RXFP1: variants seen among roughly 807,000 people sequenced by gnomAD.
RXFP1 encodes the protein relaxin receptor 1.
Under a neutral mutation model 89.8 loss-of-function variants are expected in RXFP1, and 73 were observed. The ratio of observed to expected loss-of-function variants is 0.81; its 90% CI spans 0.67 to 0.99. RXFP1 has a LOEUF of 0.99. RXFP1 is among the 50% of genes least tolerant of loss of function. RXFP1 has a pLI of 0.00. For synonymous variants in RXFP1, 277 were observed against 305.5 expected (o/e 0.91, Z 0.97); for missense variants, 793 against 895.5 (o/e 0.89, Z 1.46).
rs1289320463 is a variant in RXFP1, at chr4:158,612,369, A to G, written c.680+7A>G. 6.4e-7 allele frequency: 1 copy of G among 1,569,524 alleles called. No individual in the cohort carries two copies. Among genetic ancestry groups the G allele is most frequent in the African/African-American group, 1.4e-5 (1 of 73,540 alleles). ...TAAATTCTCTTATTCTCTTGTAAGTACTAAACTAAAGCAAATATTTCAATC... is the reference window on the plus strand; with the variant it reads ...TAAATTCTCTTATTCTCTTGTAAGTGCTAAACTAAAGCAAATATTTCAATC... On this transcript the variant is annotated splice_region_variant and intron_variant, in intron 8 of 17. Transcript: ENST00000307765.
intron 1 of RXFP1, among the ~76,000 whole-genome samples, chr4:158,545,293 G>T (rs1478821404): frequency 6.6e-6 from 1 of 152,038 alleles, no homozygotes; most frequent in Non-Finnish European, 1.5e-5. Flanking sequence ...TTTTGATGGG[G>T]TTGTTTGTTT....
At chr4:158,589,537 T>G (rs1457855811) in intron 2 of RXFP1, among the ~76,000 whole-genome samples, 1 of 152,194 alleles carries the variant, frequency 6.6e-6, no homozygotes, top group Admixed American at 6.5e-5. Context: ...TGAAAGGGCC[T>G]GAGGAGAGTT....
intron 6 of RXFP1, among the ~76,000 whole-genome samples, chr4:158,608,422 A>T (rs1419063610): frequency 6.8e-6 from 1 of 148,116 alleles, no homozygotes; most frequent in Non-Finnish European, 1.5e-5. Context: ...GAATAGCTCC[A>T]GCATCCAGCA....
intron 1 of RXFP1, among the ~76,000 whole-genome samples, chr4:158,556,144 C>G (rs1751235347): frequency 6.6e-6 from 1 of 150,890 alleles, no homozygotes; most frequent in African/African-American, 2.4e-5. Context: ...GAAAAGACAA[C>G]CTACAGAAAG....
At chr4:158,551,590 A>G (rs1047439413) in intron 1 of RXFP1, among the ~76,000 whole-genome samples, 1 of 152,232 alleles carries the variant, frequency 6.6e-6, no homozygotes, top group Non-Finnish European at 1.5e-5. Flanking sequence ...CATATATCAA[A>G]AAACCACATT....
At chr4:158,618,217 G>A (rs1764964013) in intron 9 of RXFP1, among the ~76,000 whole-genome samples, 1 of 152,038 alleles carries the variant, frequency 6.6e-6, no homozygotes, top group Non-Finnish European at 1.5e-5. Context: ...GAATACATTA[G>A]CATCTATTAC....
intron 5 of RXFP1, among the ~76,000 whole-genome samples, chr4:158,606,034 A>G (rs75240121): frequency 1.3e-5 from 2 of 152,352 alleles, no homozygotes; most frequent in Non-Finnish European, 2.9e-5. Flanking sequence ...TATCTATTTC[A>G]TATTTGAAAA....
At chr4:158,633,499 C>T (rs757885534) in intron 12 of RXFP1, 23 bp downstream of exon 12, 2 of 1,417,418 alleles carry the variant, frequency 1.4e-6, no homozygotes, top group Non-Finnish European at 1.9e-6. Flanking sequence ...TTAATTTTGC[C>T]ACCTCGTTTC....
intron 1 of RXFP1, among the ~76,000 whole-genome samples, chr4:158,543,093 T>G (rs1323312082): frequency 6.6e-6 from 1 of 152,118 alleles, no homozygotes; most frequent in African/African-American, 2.4e-5. Context: ...CCTGAACATG[T>G]ACCCCTGAAC....
intron 2 of RXFP1, among the ~76,000 whole-genome samples, chr4:158,584,230 C>G: frequency 6.6e-6 from 1 of 152,030 alleles, no homozygotes; most frequent in South Asian, 2.1e-4. Flanking sequence ...GTCAGGAGTT[C>G]GAGACCAGCC....
At chr4:158,541,350 G>GCACACACACACACACACA (rs58856633) in intron 1 of RXFP1, among the ~76,000 whole-genome samples, 3,711 of 139,834 alleles carry the variant, frequency 0.027, 80 homozygotes, top group Middle Eastern at 0.046. Context: ...AGAGCTTCAT[G>GCACACACACACACACACA]CACACACACA....
At chr4:158,521,839 T>A, upstream of RXFP1, 78 of 530,318 alleles carry the variant, frequency 1.5e-4, no homozygotes, top group South Asian at 4.3e-4. Context: ...GAAATGGGAG[T>A]GGAAGGAGGG....
At chr4:158,542,776 TAG>T (rs2149838391) in intron 1 of RXFP1, among the ~76,000 whole-genome samples, 1 of 151,686 alleles carries the variant, frequency 6.6e-6, no homozygotes, top group East Asian at 1.9e-4. Context: ...CTTTCCATAG[TAG>T]AGAGTCTGTA....
chr4:158,535,156 C>T (rs540829897), intron 1 of RXFP1, among the ~76,000 whole-genome samples: 9 of 151,908 alleles, frequency 5.9e-5, no homozygotes, highest in Admixed American at 3.9e-4. Context: ...GTACAGCATG[C>T]GCAAGGTCAT....
At chr4:158,610,069 T>G (rs1488000075) in intron 6 of RXFP1, among the ~76,000 whole-genome samples, 9 of 152,046 alleles carry the variant, frequency 5.9e-5, no homozygotes, top group African/African-American at 1.7e-4. Context: ...ATGGAGACCA[T>G]CCTGGCTAAC....
chr4:158,565,373 C>T (rs1753342429), intron 1 of RXFP1, among the ~76,000 whole-genome samples: 2 of 152,176 alleles, frequency 1.3e-5, no homozygotes, highest in African/African-American at 2.4e-5. Context: ...AATAACCATA[C>T]ATATATTTCC....
chr4:158,584,975 G>T (rs1483493297), intron 2 of RXFP1, among the ~76,000 whole-genome samples: 1 of 152,200 alleles, frequency 6.6e-6, no homozygotes, highest in Non-Finnish European at 1.5e-5. Context: ...TTAAAACATA[G>T]ATTGCTGGGC....
intron 14 of RXFP1, 119 bp downstream of exon 14, chr4:158,639,450 T>C (rs748481018): frequency 4.6e-6 from 3 of 645,892 alleles, no homozygotes; most frequent in Non-Finnish European, 8.3e-6. Context: ...AACTGAAAGT[T>C]TGTGTTCCTC....
At chr4:158,593,188 A>G (rs1759865771) in intron 2 of RXFP1, among the ~76,000 whole-genome samples, 1 of 152,180 alleles carries the variant, frequency 6.6e-6, no homozygotes, top group Non-Finnish European at 1.5e-5. Flanking sequence ...ATTAAATTTA[A>G]AATGGTGACT....
Sources: allele counts gnomAD v4.1 joint callset (sites outside exome capture counted in the v4.1 genomes callset), GRCh38; gene constraint gnomAD v4.1.1; transcripts MANE v1.5; gene names NCBI Gene and HGNC (gene_info 2026-07-23, HGNC 2026-07-21).